Variants in CTNNA3 observed in about 807,000 individuals in gnomAD.
The protein encoded by CTNNA3 is catenin alpha-3.
Under a neutral mutation model 95.7 loss-of-function variants are expected in CTNNA3, and 76 were observed. That is an observed-to-expected ratio of 0.79 (90% confidence interval 0.66 to 0.96). The LOEUF (loss-of-function observed/expected upper bound fraction) is 0.96. Ranked by LOEUF, CTNNA3 falls within the 40% of genes least tolerant of loss-of-function variation. CTNNA3 has a pLI of 0.00. For missense variants in CTNNA3, 1,191 were observed against 1,089.8 expected (o/e 1.09, Z -1.31); for synonymous variants, 431 against 374.4 (o/e 1.15, Z -1.74).
intron 13 of CTNNA3, among the ~76,000 whole-genome samples, chr10:66,276,566 G>A (rs1351663052): frequency 6.6e-6 from 1 of 152,042 alleles, no homozygotes; most frequent in African/African-American, 2.4e-5. Context: ...AGGTTCAAAA[G>A]CATAATTTGC....
chr10:66,407,577 C>A (rs2093067894), intron 11 of CTNNA3, among the ~76,000 whole-genome samples: 1 of 138,474 alleles, frequency 7.2e-6, no homozygotes, highest in Non-Finnish European at 1.5e-5. Flanking sequence ...ACTTTCACAA[C>A]TTTTACATAT....
intron 9 of CTNNA3, among the ~76,000 whole-genome samples, chr10:66,656,702 G>A (rs954479066): frequency 6.6e-6 from 1 of 152,026 alleles, no homozygotes; most frequent in South Asian, 2.1e-4. Flanking sequence ...ACAATATTTG[G>A]ATATAACAGA....
At chr10:66,153,113 T>C (rs2084290163) in intron 13 of CTNNA3, among the ~76,000 whole-genome samples, 1 of 151,978 alleles carries the variant, frequency 6.6e-6, no homozygotes, top group East Asian at 1.9e-4. Context: ...CCATAAAATG[T>C]TTCTTTTTCA....
chr10:67,016,325 C>G (rs185398282), intron 7 of CTNNA3, among the ~76,000 whole-genome samples: 2 of 152,320 alleles, frequency 1.3e-5, no homozygotes, highest in African/African-American at 4.8e-5. Flanking sequence ...CATCTTCTTT[C>G]CAAATATTTT....
In CTNNA3 at chr10:67,028,312, T is replaced by A. The variant is rs74141760; in HGVS notation, c.1047+152005A>T. 2.2e-3 allele frequency among the ~76,000 whole-genome samples: 338 copies of A among 152,272 alleles called. 3 individuals carry two copies. The highest frequency in any genetic ancestry group is 0.01 in the Middle Eastern group (3 of 294). On this transcript the variant is annotated intron_variant, in intron 7 of 17. Coordinates refer to ENST00000433211, the MANE Select transcript of CTNNA3 (RefSeq NM_013266.4). The stretch of plus-strand genomic sequence containing the variant: ...GCAGATAAATTAAATTTTGTCTTTA[T>A]GGCAACAATTTTATGGATTGACTCA...
intron 1 of CTNNA3, among the ~76,000 whole-genome samples, chr10:67,670,054 G>C (rs1011564754): frequency 1.3e-5 from 2 of 152,200 alleles, no homozygotes; most frequent in East Asian, 3.9e-4. Flanking sequence ...AATGGTTAAA[G>C]ATAGAATACC....
intron 9 of CTNNA3, among the ~76,000 whole-genome samples, chr10:66,642,918 T>C (rs1845569465): frequency 6.6e-6 from 1 of 152,136 alleles, no homozygotes; most frequent in African/African-American, 2.4e-5. Context: ...TACCTGTTTC[T>C]AGACCAACTC....
chr10:67,019,827 G>A lies in CTNNA3; in HGVS notation c.1047+160490C>T, dbSNP rs928142903. On this transcript the variant is annotated intron_variant, in intron 7 of 17. Coordinates refer to ENST00000433211, the MANE Select transcript of CTNNA3 (RefSeq NM_013266.4). Reference sequence around the variant, plus strand: ...CTCACTTTAAGTTCAAATTCTAAGCGTCCGTTTATGAACAAATCTGTTCCT... The same window carrying A: ...CTCACTTTAAGTTCAAATTCTAAGCATCCGTTTATGAACAAATCTGTTCCT... Among the ~76,000 whole-genome samples the A allele has an allele frequency of 7.9e-5, 12 of 152,158 alleles. No homozygotes were observed. In the South Asian group the frequency reaches 8.3e-4, roughly 11 times the overall value.
chr10:66,438,876 CA>C (rs2093356428), intron 11 of CTNNA3, among the ~76,000 whole-genome samples: 1 of 152,216 alleles, frequency 6.6e-6, no homozygotes, highest in South Asian at 2.1e-4. Context: ...ATGGGAAAAG[CA>C]AAGTATATGG....
chr10:67,276,302 G>C (rs1010707909), intron 5 of CTNNA3, among the ~76,000 whole-genome samples: 7 of 152,078 alleles, frequency 4.6e-5, no homozygotes, highest in Non-Finnish European at 1.0e-4. Context: ...TTTCAAACCA[G>C]GTATTGAAAA....
intron 9 of CTNNA3, among the ~76,000 whole-genome samples, chr10:66,683,710 G>A (rs997298024): frequency 6.6e-6 from 1 of 152,076 alleles, no homozygotes; most frequent in Non-Finnish European, 1.5e-5. Flanking sequence ...TTTCAAGTAC[G>A]ACTCATTCAA....
chr10:66,330,219 CT>C lies in CTNNA3; in HGVS notation c.1732+48932del, dbSNP rs1438211680. ...ATCTCCTAATGCTATCCCTCCCCCC[CT>C]CTCCCCACCCCACAACAGGCCCCGG... On this transcript the variant is annotated intron_variant, in intron 12 of 17. Coordinates refer to ENST00000433211, the MANE Select transcript of CTNNA3 (RefSeq NM_013266.4). 2.8e-4 allele frequency among the ~76,000 whole-genome samples: 43 copies of C among 151,734 alleles called. 1 individual carries two copies. The highest frequency in any genetic ancestry group is 7.9e-4 in the Admixed American group (12 of 15,228).
intron 7 of CTNNA3, among the ~76,000 whole-genome samples, chr10:67,018,877 T>C (rs1852818251): frequency 6.6e-6 from 1 of 152,174 alleles, no homozygotes; most frequent in Non-Finnish European, 1.5e-5. Flanking sequence ...AGTCAATGTG[T>C]TTTGCAGATG....
chr10:67,110,531 A>G (rs1036072571), intron 7 of CTNNA3, among the ~76,000 whole-genome samples: 5 of 152,188 alleles, frequency 3.3e-5, no homozygotes, highest in African/African-American at 1.2e-4. Flanking sequence ...AAGAAATACT[A>G]TTAAATCTCC....
intron 10 of CTNNA3, among the ~76,000 whole-genome samples, chr10:66,574,402 C>A (rs2132173953): frequency 6.6e-6 from 1 of 151,502 alleles, no homozygotes; most frequent in African/African-American, 2.4e-5. Flanking sequence ...TAAAAGCTCA[C>A]TGAAATATTA....
At chr10:66,084,259 C>T (rs1216783107) in intron 14 of CTNNA3, among the ~76,000 whole-genome samples, 1 of 151,758 alleles carries the variant, frequency 6.6e-6, no homozygotes, top group Non-Finnish European at 1.5e-5. Context: ...GAAAGTATGG[C>T]CCATCAGAAT....
chr10:66,609,082 CAG>C (rs1434144650), intron 10 of CTNNA3, among the ~76,000 whole-genome samples: 4 of 151,332 alleles, frequency 2.6e-5, no homozygotes, highest in South Asian at 4.2e-4. Context: ...TTTTTTGAGA[CAG>C]AGTCTCACTG....
chr10:67,020,421 G>A (rs908146840), intron 7 of CTNNA3, among the ~76,000 whole-genome samples: 1 of 151,990 alleles, frequency 6.6e-6, no homozygotes, highest in African/African-American at 2.4e-5. Flanking sequence ...ATGGCAGCAG[G>A]GATATTGTAA....
At chr10:66,856,618 GT>G (rs1275006582) in intron 7 of CTNNA3, among the ~76,000 whole-genome samples, 2 of 151,950 alleles carry the variant, frequency 1.3e-5, no homozygotes, top group Non-Finnish European at 2.9e-5. Flanking sequence ...GTATGAGATG[GT>G]AAGACATTGT....
Sources: gnomAD v4.1 joint callset for allele counts (sites outside exome capture counted in the v4.1 genomes callset) on GRCh38, gnomAD v4.1.1 for gene constraint, MANE v1.5 for transcripts, NCBI Gene and HGNC (gene_info 2026-07-23, HGNC 2026-07-21) for gene names.